The following USP35 variants were observed in gnomAD, a reference collection of about 807,000 sequenced individuals.
USP35 encodes ubiquitin specific peptidase 35.
Under a neutral mutation model 83.8 loss-of-function variants are expected in USP35, and 69 were observed. The observed-to-expected ratio is 0.82, with a 90% CI of 0.68 to 1.01. The LOEUF is 1.01. Among genes scored for constraint, USP35 ranks in the 50% least tolerant of loss-of-function variants. The probability of loss-of-function intolerance (pLI) is 0.00; values close to 1 mark genes in which losing one functional copy is unlikely to be tolerated. For synonymous variants in USP35, 714 were observed against 589.5 expected, an observed-to-expected ratio of 1.21 and a Z score of -3.06; for missense variants, 1,503 against 1,362.5, an observed-to-expected ratio of 1.10 and a Z score of -1.62.
At chr11:78,190,884 G>C (rs1862983295) in intron 1 of USP35, among the ~76,000 whole-genome samples, 1 of 152,212 alleles carries the variant, frequency 6.6e-6, no homozygotes, top group African/African-American at 2.4e-5. Context: ...AGTCTCCACT[G>C]AACAATGTTG....
At chr11:78,220,566 G>T in the USP35 span, 1 of 733,482 alleles carries the variant, frequency 1.4e-6, no homozygotes, top group Non-Finnish European at 2.1e-6. Context: ...CATGCACCAT[G>T]CTAAGGACTT....
At chr11:78,235,008 T>C in the USP35 span, among the ~76,000 whole-genome samples, 4 of 151,800 alleles carry the variant, frequency 2.6e-5, no homozygotes, top group Admixed American at 6.6e-5. Context: ...ACAGACTTTC[T>C]CCTCCCGGGC....
chr11:78,221,975 G>A, the USP35 span: 2 of 725,850 alleles, frequency 2.8e-6, no homozygotes, highest in Admixed American at 2.1e-5. Flanking sequence ...ACAAGACATC[G>A]AGACATGATC....
chr11:78,191,805 G>T (rs1035756982), intron 1 of USP35, among the ~76,000 whole-genome samples: 1 of 151,678 alleles, frequency 6.6e-6, no homozygotes, highest in African/African-American at 2.4e-5. Flanking sequence ...AGTGCCAGGT[G>T]GCCCAAAAAT....
In USP35 at chr11:78,196,903, G is replaced by A. The variant is rs1863168433; in HGVS notation, c.658G>A (p.Val220Ile). The A allele has an allele frequency of 2.7e-6, 4 of 1,469,112 alleles. No individual in the cohort carries two copies. Among genetic ancestry groups the A allele is most frequent in the Admixed American group, 2.4e-5 (1 of 42,348 alleles). The allele number at this position is 1,469,112 out of a possible 1,614,324, so 91.0% of individuals were successfully genotyped here. ...GCCCTGCCTCAAAGAGCTGTTCGCA[G>A]TCATCTCCTGCGCAGGTGCGTGTGC... ...ILPCLKELFAVISCAEEEPPS... is the reference protein window; with the variant it reads ...ILPCLKELFAIISCAEEEPPS... The change falls in exon 2 of 11, where the codon GTC (valine) becomes ATC (isoleucine). Residue 220 changes from valine to isoleucine, a missense_variant. Transcript: ENST00000529308. The surrounding 1 kb of genome is among the most constrained non-coding windows in gnomAD (Gnocchi z 4.8).
the USP35 span, among the ~76,000 whole-genome samples, chr11:78,232,821 C>T: frequency 1.3e-5 from 2 of 152,068 alleles, no homozygotes; most frequent in East Asian, 3.9e-4. Flanking sequence ...CTAGTCTATG[C>T]GAGGCAGGAT....
In USP35 at chr11:78,213,724, G is replaced by A; in HGVS notation, c.2968G>A (p.Asp990Asn). Residue 990 changes from aspartate to asparagine, a missense_variant, in exon 11 of 11, where the codon GAT becomes AAT. Transcript: ENST00000529308. Reference protein sequence around the residue: ...PTSPHWGRGFDEDKDEDEGSP... With the variant: ...PTSPHWGRGFNEDKDEDEGSP... The stretch of plus-strand genomic sequence containing the variant: ...ATCTCCGCACTGGGGGAGGGGCTTT[G>A]ATGAAGACAAGGATGAGGATGAAGG... 6.5e-7 allele frequency: 1 copy of A among 1,534,896 alleles called. No homozygotes were observed. The highest frequency in any genetic ancestry group is 8.7e-7 in the Non-Finnish European group (1 of 1,151,244).
chr11:78,229,142 G>T, the USP35 span, among the ~76,000 whole-genome samples: 12 of 152,152 alleles, frequency 7.9e-5, no homozygotes, highest in African/African-American at 2.9e-4. Context: ...AGCCCTTGCT[G>T]GGGGTGGTGG....
chr11:78,202,048 G>C (rs1863374930), intron 6 of USP35, among the ~76,000 whole-genome samples: 1 of 152,200 alleles, frequency 6.6e-6, no homozygotes, highest in Admixed American at 6.5e-5. Flanking sequence ...AAGAAAGTAA[G>C]GGGGAGTCCC....
intron 7 of USP35, chr11:78,207,279 G>C: frequency 2.4e-6 from 1 of 420,712 alleles, no homozygotes; most frequent in South Asian, 3.2e-5. Context: ...GAGCTGGAAG[G>C]GGCTACAAGG....
At position 78,207,524 on chromosome 11, in the gene USP35, T is replaced by G. The variant is rs1359575956; in HGVS notation, c.1392-6T>G. ...TTACCCTGGGTGCCCCTGCTTTGTTTTGAAGCTTCAGACATTGTGTGCTCC... is the reference window on the plus strand; with the variant it reads ...TTACCCTGGGTGCCCCTGCTTTGTTGTGAAGCTTCAGACATTGTGTGCTCC... On this transcript the variant is annotated splice_region_variant and splice_polypyrimidine_tract_variant and intron_variant, in intron 7 of 10. Transcript: ENST00000529308. 8.7e-6 allele frequency: 14 copies of G among 1,613,952 alleles called. No homozygotes were observed. The highest frequency in any genetic ancestry group is 1.7e-5 in the Admixed American group (1 of 60,028).
chr11:78,217,173 G>C (rs959338019), downstream of USP35: 2 of 152,352 alleles, frequency 1.3e-5, no homozygotes, highest in African/African-American at 4.8e-5. Context: ...ACCTCCCTAA[G>C]TACTTCCTCT....
chr11:78,196,978 T>G lies in USP35; in HGVS notation c.673+60T>G. 5 of 1,419,192 alleles carry G rather than the reference T, an allele frequency of 3.5e-6. No homozygotes were observed. Among genetic ancestry groups the G allele is most frequent in the Non-Finnish European group, 4.6e-6 (5 of 1,091,662 alleles). 87.9% of individuals were successfully genotyped at this position (1,419,192 alleles called of 1,614,324 possible). A position where few individuals can be genotyped will look rare whatever the true frequency, so the allele number is the denominator to read the frequency against. On this transcript the variant is annotated intron_variant, in intron 2 of 10. Transcript: ENST00000529308. This position sits in a 1 kb window ranked among gnomAD's most constrained non-coding sequence, Gnocchi z 4.8. ...CGGAGGTCCTGGGTGGGCGCTTGGG[T>G]AGGTGGCTGTACGTGTGGATTTGTG...
chr11:78,208,762 A>AG, intron 8 of USP35, 95 bp from the exon 9 acceptor site: 1 of 1,364,112 alleles, frequency 7.3e-7, no homozygotes, highest in Non-Finnish European at 1.0e-6. Flanking sequence ...TTTGAGGCCG[A>AG]GGGAATGAGG....
At chr11:78,198,315 C>T (rs936014549) in intron 3 of USP35, among the ~76,000 whole-genome samples, 3 of 152,252 alleles carry the variant, frequency 2.0e-5, no homozygotes, top group African/African-American at 7.2e-5. Context: ...TGACCCTGGA[C>T]ATGCCAGTGA....
At chr11:78,197,084 A>G (rs947816046) in intron 2 of USP35, among the ~76,000 whole-genome samples, 166 bp downstream of exon 2, 1 of 152,230 alleles carries the variant, frequency 6.6e-6, no homozygotes, top group African/African-American at 2.4e-5. Flanking sequence ...CATGTAGGTG[A>G]CACAACTGTC....
At position 78,196,894 on chromosome 11, in the gene USP35, C is replaced by T; in HGVS notation, c.649C>T (p.Leu217=). The T allele has an allele frequency of 2.0e-6, 3 of 1,472,308 alleles. No homozygotes were observed. The highest frequency in any genetic ancestry group is 2.7e-5 in the South Asian group (2 of 75,294). The allele number at this position is 1,472,308 out of a possible 1,614,324, so 91.2% of individuals were successfully genotyped here. Residue 217 remains leucine (L), a synonymous_variant, in exon 2 of 11, where the codon CTG becomes TTG. Transcript: ENST00000529308. This position sits in a 1 kb window ranked among gnomAD's most constrained non-coding sequence, Gnocchi z 4.8. The part of the protein sequence containing the change: ...PAAILPCLKE[L]FAVISCAEEE... ...CGCCATCCTGCCCTGCCTCAAAGAG[C>T]TGTTCGCAGTCATCTCCTGCGCAGG...
the USP35 span, among the ~76,000 whole-genome samples, chr11:78,222,863 G>A: frequency 1.9e-4 from 29 of 152,334 alleles, 1 homozygote; most frequent in Admixed American, 1.5e-3. Context: ...GGTTACAGGC[G>A]TACAGGCGTG....
chr11:78,221,637 A>G, the USP35 span: 1 of 1,278,870 alleles, frequency 7.8e-7, no homozygotes, highest in Non-Finnish European at 1.1e-6. Context: ...GTCCCAGGGG[A>G]CTTGAAAGGC....
Sources: gnomAD v4.1 joint callset for allele counts (sites outside exome capture counted in the v4.1 genomes callset) on GRCh38, gnomAD v4.1.1 for gene constraint, Gnocchi (gnomAD v3.1) non-coding constraint, MANE v1.5 for transcripts, NCBI Gene and HGNC (gene_info 2026-07-23, HGNC 2026-07-21) for gene names.